Variants in TLE4 observed in about 807,000 individuals in gnomAD.
TLE4 encodes transducin-like enhancer protein 4.
A neutral mutation model predicts 92.8 loss-of-function variants in TLE4; 8 were observed. The ratio of observed to expected loss-of-function variants is 0.09; its 90% CI spans 0.05 to 0.16. TLE4 has a LOEUF of 0.16. Among genes scored for constraint, TLE4 ranks in the 10% least tolerant of loss-of-function variants. TLE4 has a pLI of 1.00. For missense variants in TLE4, 675 were observed against 997.6 expected (o/e 0.68, Z 4.36); for synonymous variants, 371 against 374.1 (o/e 0.99, Z 0.10).
intron 8 of TLE4, among the ~76,000 whole-genome samples, chr9:79,687,714 C>A (rs1001296702): frequency 2.0e-5 from 3 of 152,152 alleles, no homozygotes; most frequent in African/African-American, 7.2e-5. Context: ...TTTCTTTTCA[C>A]AATACACAAG....
At position 79,635,906 on chromosome 9, in the gene TLE4, G is replaced by C. The variant is rs1176567679; in HGVS notation, c.390+8458G>C. 2.0e-5 allele frequency among the ~76,000 whole-genome samples: 3 copies of C among 152,104 alleles called. No individual in the cohort carries two copies. In the South Asian group the frequency reaches 6.2e-4, roughly 31 times the overall value. Reference sequence around the variant, plus strand: ...AGACTGACTGATGGATGAAGGGAAAGGGTCTAAGCTCAGTATAAACACTTT... The same window carrying C: ...AGACTGACTGATGGATGAAGGGAAACGGTCTAAGCTCAGTATAAACACTTT... On this transcript the variant is annotated intron_variant, in intron 6 of 19. Transcript: ENST00000376552.
intron 7 of TLE4, 107 bp downstream of exon 7, chr9:79,652,901 A>T (rs2059245956): frequency 8.5e-7 from 1 of 1,181,852 alleles, no homozygotes; most frequent in African/African-American, 1.5e-5. Flanking sequence ...ACCAGTGACT[A>T]AACAAAGGAT....
At chr9:79,580,788 G>A (rs1029908183) in intron 4 of TLE4, among the ~76,000 whole-genome samples, 11 of 152,098 alleles carry the variant, frequency 7.2e-5, no homozygotes, top group African/African-American at 2.4e-4. Context: ...GGAAGATGGG[G>A]TGTTCTAGCT....
In TLE4 at chr9:79,573,836, C is replaced by A. The variant is rs753798988; in HGVS notation, c.143+50C>A. 1.4e-5 allele frequency: 19 copies of A among 1,369,572 alleles called. No homozygotes were observed. The African/African-American group carries it at 2.6e-4, about 19-fold the overall frequency. The allele number at this position is 1,369,572 out of a possible 1,614,324, so 84.8% of individuals were successfully genotyped here. ...CCTTCTGTTTGCTTAGCTCTTGTCTCCCCGACAAATACACACAAACACTTA... is the reference window on the plus strand; with the variant it reads ...CCTTCTGTTTGCTTAGCTCTTGTCTACCCGACAAATACACACAAACACTTA... On this transcript the variant is annotated intron_variant, in intron 2 of 19. Coordinates refer to ENST00000376552, the MANE Select transcript of TLE4 (RefSeq NM_007005.6).
At chr9:79,599,310 C>T (rs2044952182) in intron 4 of TLE4, among the ~76,000 whole-genome samples, 1 of 152,192 alleles carries the variant, frequency 6.6e-6, no homozygotes, top group African/African-American at 2.4e-5. Context: ...GCATCCTGTG[C>T]TCTAGCTTAA....
rs556616259 is a variant in TLE4, at chr9:79,725,890, T to A, written c.*746T>A. On this transcript the variant is annotated 3_prime_UTR_variant, in exon 20 of 20. Coordinates refer to ENST00000376552, the MANE Select transcript of TLE4 (RefSeq NM_007005.6). ...TGTAATATGTTTTTAGTTCCCTTTT[T>A]TTGTTGTATTATAGGCAGATGAACA... The A allele has an allele frequency of 9.6e-4, 146 of 152,806 alleles. No homozygotes were observed. The highest frequency in any genetic ancestry group is 1.6e-3 in the Non-Finnish European group (110 of 68,032). 9.5% of individuals were successfully genotyped at this position (152,806 alleles called of 1,614,324 possible). A position where few individuals can be genotyped will look rare whatever the true frequency, so the allele number is the denominator to read the frequency against.
chr9:79,653,786 T>C (rs1237480874), intron 7 of TLE4, among the ~76,000 whole-genome samples: 1 of 152,232 alleles, frequency 6.6e-6, no homozygotes, highest in Non-Finnish European at 1.5e-5. Flanking sequence ...TGCATGATTG[T>C]AAATACTTTG....
chr9:79,604,906 C>G (rs536388339), intron 4 of TLE4, among the ~76,000 whole-genome samples: 9 of 152,218 alleles, frequency 5.9e-5, no homozygotes, highest in African/African-American at 2.2e-4. Flanking sequence ...ATCTTCTTCC[C>G]TCTACTGTGG....
intron 8 of TLE4, among the ~76,000 whole-genome samples, chr9:79,699,550 C>A (rs1365412458): frequency 6.6e-6 from 1 of 152,142 alleles, no homozygotes; most frequent in Non-Finnish European, 1.5e-5. Flanking sequence ...CCTCATTATC[C>A]CATTTATCTG....
chr9:79,660,192 G>A (rs561598599), intron 8 of TLE4, among the ~76,000 whole-genome samples: 18 of 152,288 alleles, frequency 1.2e-4, no homozygotes, highest in African/African-American at 3.4e-4. Context: ...CTACCACTGG[G>A]TAAGCTGAAT....
chr9:79,637,520 G>T (rs1010359504), intron 6 of TLE4, among the ~76,000 whole-genome samples: 8 of 152,100 alleles, frequency 5.3e-5, no homozygotes, highest in Non-Finnish European at 8.8e-5. Flanking sequence ...TCTTTATCTT[G>T]AGATCCACTG....
intron 6 of TLE4, among the ~76,000 whole-genome samples, chr9:79,651,369 C>T (rs1207796942): frequency 6.6e-6 from 1 of 152,116 alleles, no homozygotes; most frequent in Non-Finnish European, 1.5e-5. Context: ...GCTTGCCCAC[C>T]GCGGTTCCTG....
intron 4 of TLE4, among the ~76,000 whole-genome samples, chr9:79,577,043 A>T (rs2038051590): frequency 1.3e-5 from 2 of 151,956 alleles, no homozygotes; most frequent in Admixed American, 6.6e-5. Context: ...ATTTTTAGTG[A>T]TCTCCTAGTG....
At chr9:79,632,431 A>G (rs1413438659) in intron 6 of TLE4, among the ~76,000 whole-genome samples, 2 of 152,038 alleles carry the variant, frequency 1.3e-5, no homozygotes, top group African/African-American at 4.8e-5. Context: ...TTCTGTGATC[A>G]TTTCAAAATT....
intron 5 of TLE4, among the ~76,000 whole-genome samples, chr9:79,625,014 CTTT>C (rs34968887): frequency 1.3e-5 from 1 of 79,948 alleles, no homozygotes; most frequent in Non-Finnish European, 2.2e-5. Flanking sequence ...TATTTCTTTT[CTTT>C]TTTTTTTTTT....
intron 16 of TLE4, 118 bp downstream of exon 16, chr9:79,720,411 T>C (rs2075416523): frequency 8.1e-7 from 1 of 1,229,138 alleles, no homozygotes; most frequent in South Asian, 1.8e-5. Context: ...TGTGTGTGTG[T>C]GTGTGTGTGT....
intron 8 of TLE4, among the ~76,000 whole-genome samples, chr9:79,669,209 T>C (rs1300744033): frequency 6.6e-6 from 1 of 152,156 alleles, no homozygotes; most frequent in African/African-American, 2.4e-5. Flanking sequence ...ACATGGTCAG[T>C]GGAGGTGGTT....
chr9:79,648,054 G>C (rs2058369850), intron 6 of TLE4, among the ~76,000 whole-genome samples: 5 of 152,104 alleles, frequency 3.3e-5, no homozygotes, highest in Admixed American at 3.3e-4. Flanking sequence ...CTAGTGTTGC[G>C]GGCAGAGAGT....
In TLE4 at chr9:79,698,872, C is replaced by CATATAT. The variant is rs57671070; in HGVS notation, c.610-5900_610-5895dup. On this transcript the variant is annotated intron_variant, in intron 8 of 19. Coordinates refer to ENST00000376552, the MANE Select transcript of TLE4 (RefSeq NM_007005.6). ...GAGGATTATTTCTTATATATATATA[C>CATATAT]ATATATATATATATATGTATATCCT... Among the ~76,000 whole-genome samples, 271 of 144,288 alleles carry CATATAT rather than the reference C, an allele frequency of 1.9e-3. 3 individuals are homozygous for CATATAT. The highest frequency in any genetic ancestry group is 3.7e-3 in the Middle Eastern group (1 of 270). The allele number at this position is 144,288 out of a possible 152,430, so 94.7% of individuals were successfully genotyped here.
Sources: allele counts gnomAD v4.1 joint callset (sites outside exome capture counted in the v4.1 genomes callset), GRCh38; gene constraint gnomAD v4.1.1; transcripts MANE v1.5; gene names NCBI Gene and HGNC (gene_info 2026-07-23, HGNC 2026-07-21).